The following KCTD10 variants were observed in gnomAD, a reference collection of about 807,000 sequenced individuals.
KCTD10 encodes the protein BTB/POZ domain-containing adapter for CUL3-mediated RhoA degradation protein 3.
A neutral mutation model predicts 34.6 loss-of-function variants in KCTD10; 13 were observed. The ratio of observed to expected loss-of-function variants is 0.38; its 90% confidence interval spans 0.24 to 0.60. The LOEUF (loss-of-function observed/expected upper bound fraction) is 0.60. Ranked by LOEUF, KCTD10 falls within the 20% of genes least tolerant of loss-of-function variation. The pLI, the probability that KCTD10 is intolerant of heterozygous loss-of-function variation, is 0.66. For missense variants in KCTD10, 256 were observed against 420.3 expected (o/e 0.61, Z 3.42); for synonymous variants, 156 against 168.8 (o/e 0.92, Z 0.59).
At chr12:109,452,077 C>T (rs1872802069) in intron 6 of KCTD10, among the ~76,000 whole-genome samples, 1 of 152,210 alleles carries the variant, frequency 6.6e-6, no homozygotes, top group South Asian at 2.1e-4. Context: ...TCATTTTACC[C>T]TCTCAAAGAT....
chr12:109,458,258 T>C, intron 3 of KCTD10, 180 bp from the exon 4 acceptor site: 1 of 590,862 alleles, frequency 1.7e-6, no homozygotes, highest in Non-Finnish European at 3.0e-6. Context: ...TCCCAGTAAG[T>C]CTGCTCTTTG....
At chr12:109,457,557 A>C in intron 5 of KCTD10, 73 bp downstream of exon 5, 76 of 1,328,954 alleles carry the variant, frequency 5.7e-5, no homozygotes, top group Non-Finnish European at 7.5e-5. Flanking sequence ...GGTACGAAGA[A>C]GAGCTGGGCC....
intron 5 of KCTD10, 67 bp from the exon 6 acceptor site, chr12:109,456,380 C>G (rs184072748): frequency 1.4e-6 from 2 of 1,443,140 alleles, no homozygotes; most frequent in Non-Finnish European, 1.9e-6. Flanking sequence ...CTGGGCCCTT[C>G]TACACGCAGG....
intron 2 of KCTD10, chr12:109,464,733 C>T (rs1716492166): frequency 2.3e-6 from 1 of 427,888 alleles, no homozygotes; most frequent in Non-Finnish European, 4.7e-6. Flanking sequence ...GCTCAACGTA[C>T]CAGACATTAG....
At chr12:109,465,945 G>A (rs1045124631) in intron 2 of KCTD10, among the ~76,000 whole-genome samples, 5 of 152,208 alleles carry the variant, frequency 3.3e-5, no homozygotes, top group African/African-American at 4.8e-5. Context: ...AGTATTGTAC[G>A]AAGCAACAGG....
In KCTD10 at chr12:109,460,504, A is replaced by G; in HGVS notation, c.387+132T>C. 1 of 1,004,862 alleles carries G rather than the reference A, an allele frequency of 1.0e-6. No homozygotes were observed. Among genetic ancestry groups the G allele is most frequent in the Non-Finnish European group, 1.5e-6 (1 of 685,968 alleles). The allele number at this position is 1,004,862 out of a possible 1,614,324, so 62.2% of individuals were successfully genotyped here. A position where few individuals can be genotyped will look rare whatever the true frequency, so the allele number is the denominator to read the frequency against. ...ACTCCAACCGAAGGAATCGGGCTCC[A>G]GGGCAAACTCATTAACTCTCACAAC... On this transcript the variant is annotated intron_variant, in intron 3 of 6. Transcript: ENST00000228495. The surrounding 1 kb of genome is among the most constrained non-coding windows in gnomAD (Gnocchi z 4.5).
chr12:109,470,243 G>A, intron 1 of KCTD10: 1 of 986,248 alleles, frequency 1.0e-6, no homozygotes, highest in African/African-American at 1.7e-5. Flanking sequence ...CATCACAGAT[G>A]AAATAAGCTT....
At chr12:109,467,629 G>A (rs1458529276) in intron 2 of KCTD10, among the ~76,000 whole-genome samples, 1 of 152,048 alleles carries the variant, frequency 6.6e-6, no homozygotes, top group Non-Finnish European at 1.5e-5. Context: ...CTCAAAAAAA[G>A]AGAAAAGAAT....
intron 2 of KCTD10, among the ~76,000 whole-genome samples, chr12:109,466,404 A>T: frequency 6.6e-6 from 1 of 152,204 alleles, no homozygotes; most frequent in East Asian, 1.9e-4. Flanking sequence ...TATCATTCAT[A>T]ACTGGGGAAG....
In KCTD10 at chr12:109,460,787, C is replaced by A; in HGVS notation, c.236G>T (p.Arg79Leu). ...TATCGTACCAAAGTGCTTCCCACAGCGGTCAATGAGGATCCAGCCTGCAGA... is the reference window on the plus strand; with the variant it reads ...TATCGTACCAAAGTGCTTCCCACAGAGGTCAATGAGGATCCAGCCTGCAGA... ...TDSEGWILID[R>L]CGKHFGTILN... The change falls in exon 3 of 7, where the codon CGC (arginine) becomes CTC (leucine). Residue 79 changes from arginine to leucine, a missense_variant. This residue lies in a region of KCTD10 where 155 missense variants were observed against 207.0 expected (regional missense o/e 0.75). Coordinates refer to ENST00000228495, the MANE Select transcript of KCTD10 (RefSeq NM_031954.5). The surrounding 1 kb of genome is among the most constrained non-coding windows in gnomAD (Gnocchi z 4.5). The A allele has an allele frequency of 3.1e-6, 5 of 1,614,094 alleles. No homozygotes were observed. Among genetic ancestry groups the A allele is most frequent in the Non-Finnish European group, 4.2e-6 (5 of 1,179,946 alleles).
At chr12:109,469,798 C>A in intron 1 of KCTD10, 70 bp from the exon 2 acceptor site, 1 of 1,585,796 alleles carries the variant, frequency 6.3e-7, no homozygotes. Context: ...TGGATTCAAT[C>A]TGGCCTCCAG....
chr12:109,476,100 G>T (rs1202001802), intron 1 of KCTD10, among the ~76,000 whole-genome samples: 1 of 152,098 alleles, frequency 6.6e-6, no homozygotes, highest in Non-Finnish European at 1.5e-5. Context: ...TCCCTTGCAG[G>T]GCTTGTTAAA....
At chr12:109,476,380 C>A (rs1874265732) in intron 1 of KCTD10, among the ~76,000 whole-genome samples, 1 of 152,150 alleles carries the variant, frequency 6.6e-6, no homozygotes. Flanking sequence ...TTTCCAGGGA[C>A]GTGACAAACA....
In KCTD10 at chr12:109,460,445, T is replaced by G. The variant is rs1873257318; in HGVS notation, c.387+191A>C. ...TGCAAGGAGTGACACAGTAGTTAGG[T>G]GGCCTGCTGTTCCAGGGAGGCCTCT... On this transcript the variant is annotated intron_variant, in intron 3 of 6. Coordinates refer to ENST00000228495, the MANE Select transcript of KCTD10 (RefSeq NM_031954.5). This position sits in a 1 kb window ranked among gnomAD's most constrained non-coding sequence, Gnocchi z 4.5. 2 of 591,088 alleles carry G rather than the reference T, an allele frequency of 3.4e-6. No homozygotes were observed. The highest frequency in any genetic ancestry group is 3.0e-5 in the Admixed American group (1 of 33,160). The allele number at this position is 591,088 out of a possible 1,614,324, so 36.6% of individuals were successfully genotyped here. A position where few individuals can be genotyped will look rare whatever the true frequency, so the allele number is the denominator to read the frequency against.
chr12:109,471,139 G>C (rs1873865337), intron 1 of KCTD10: 1 of 985,296 alleles, frequency 1.0e-6, no homozygotes, highest in African/African-American at 1.7e-5. Context: ...AACTGAAAAA[G>C]AATTGTCTAG....
intron 1 of KCTD10, chr12:109,471,213 T>G: frequency 1.0e-6 from 1 of 985,404 alleles, no homozygotes; most frequent in Non-Finnish European, 1.2e-6. Flanking sequence ...CAAACGTTAT[T>G]TTTGTAAATG....
At chr12:109,477,174 T>C (rs1592855461) in intron 1 of KCTD10, 86 bp downstream of exon 1, 1 of 1,240,570 alleles carries the variant, frequency 8.1e-7, no homozygotes, top group Non-Finnish European at 1.0e-6. Flanking sequence ...TCACACCCCC[T>C]CCTCTCGGTC....
chr12:109,464,496 G>C (rs536450398), intron 2 of KCTD10, among the ~76,000 whole-genome samples: 18 of 152,140 alleles, frequency 1.2e-4, no homozygotes, highest in Non-Finnish European at 2.4e-4. Context: ...GGTAGATCAA[G>C]GATGTAAGTG....
At chr12:109,454,629 T>C (rs1872932096) in intron 6 of KCTD10, among the ~76,000 whole-genome samples, 1 of 152,186 alleles carries the variant, frequency 6.6e-6, no homozygotes, top group African/African-American at 2.4e-5. Context: ...CTCAGGAGGC[T>C]GAGGCAGGAG....
Sources: allele counts gnomAD v4.1 joint callset (sites outside exome capture counted in the v4.1 genomes callset), GRCh38; gene constraint gnomAD v4.1.1; regional missense constraint gnomAD v4.1.1; non-coding constraint Gnocchi (gnomAD v3.1); transcripts MANE v1.5; gene names NCBI Gene and HGNC (gene_info 2026-07-23, HGNC 2026-07-21).